Variants in EPS8 observed in about 807,000 individuals in gnomAD.
EPS8 encodes epidermal growth factor receptor kinase substrate 8.
EPS8 carries 42 observed loss-of-function variants against 103.8 expected under a neutral mutation model. The ratio of observed to expected loss-of-function variants is 0.40; its 90% CI spans 0.32 to 0.52. EPS8 has a LOEUF of 0.52. EPS8 is among the 20% of genes least tolerant of loss of function. EPS8 has a pLI of 0.40. For synonymous variants in EPS8, 344 were observed against 344.6 expected, an observed-to-expected ratio of 1.00 and a Z score of 0.02; for missense variants, 969 against 1,005.1, an observed-to-expected ratio of 0.96 and a Z score of 0.49.
At chr12:15,639,217 T>C (rs1288830566) in intron 17 of EPS8, among the ~76,000 whole-genome samples, 1 of 152,196 alleles carries the variant, frequency 6.6e-6, no homozygotes, top group Non-Finnish European at 1.5e-5. Flanking sequence ...AGGTATGTAC[T>C]CTACCATTAT....
At chr12:15,663,327 G>C (rs919544223) in intron 8 of EPS8, among the ~76,000 whole-genome samples, 18 of 152,122 alleles carry the variant, frequency 1.2e-4, no homozygotes, top group African/African-American at 3.9e-4. Context: ...ATTCCACAGA[G>C]ATCACCTTTG....
At chr12:15,708,978 G>C (rs1349015583) in intron 1 of EPS8, among the ~76,000 whole-genome samples, 1 of 152,158 alleles carries the variant, frequency 6.6e-6, no homozygotes, top group Non-Finnish European at 1.5e-5. Flanking sequence ...TTCCCTGCTG[G>C]GGACAGCCTG....
chr12:15,699,633 T>A (rs1265546362), intron 1 of EPS8, among the ~76,000 whole-genome samples: 1 of 152,196 alleles, frequency 6.6e-6, no homozygotes, highest in Non-Finnish European at 1.5e-5. Flanking sequence ...CACATACAAC[T>A]TTAGTGTACC....
chr12:15,658,223 G>T, intron 11 of EPS8, 70 bp from the exon 12 acceptor site: 1 of 997,896 alleles, frequency 1.0e-6, no homozygotes, highest in South Asian at 1.3e-5. Flanking sequence ...GTCCAACATA[G>T]ACACAGAGGG....
rs1203199123 is a variant in EPS8 at position 15,624,207 on chromosome 12, G to A, written c.2225+20C>T. 1 of 1,603,038 alleles carries A rather than the reference G, an allele frequency of 6.2e-7. No individual in the cohort carries two copies. Among genetic ancestry groups the A allele is most frequent in the African/African-American group, 1.3e-5 (1 of 74,640 alleles). ...CATGTTGTACACACAGAATTGCAAAGTATTCACAGAGAGACTCACACAGGG... is the reference window on the plus strand; with the variant it reads ...CATGTTGTACACACAGAATTGCAAAATATTCACAGAGAGACTCACACAGGG... On this transcript the variant is annotated intron_variant, in intron 19 of 20. Transcript: ENST00000281172.
chr12:15,664,143 A>G (rs1027174123), intron 8 of EPS8, among the ~76,000 whole-genome samples: 16 of 151,152 alleles, frequency 1.1e-4, no homozygotes, highest in African/African-American at 4.8e-5. Flanking sequence ...CAAAAACACC[A>G]TAAGTACACA....
In EPS8 at chr12:15,706,691, C is replaced by A. The variant is rs933270026; in HGVS notation, c.-21-23719G>T. Reference sequence around the variant, plus strand: ...TCATCTTTCTTTTAGGTGAATATTACATTTTTAATATGAGACTAGAATTTT... The same window carrying A: ...TCATCTTTCTTTTAGGTGAATATTAAATTTTTAATATGAGACTAGAATTTT... On this transcript the variant is annotated intron_variant, in intron 1 of 20. Coordinates refer to ENST00000281172, the MANE Select transcript of EPS8 (RefSeq NM_004447.6). This position sits in a 1 kb window ranked among gnomAD's most constrained non-coding sequence, Gnocchi z 5.2. 6.6e-6 allele frequency among the ~76,000 whole-genome samples: 1 copy of A among 152,110 alleles called. No homozygotes were observed. The highest frequency in any genetic ancestry group is 1.9e-4 in the East Asian group (1 of 5,194).
At chr12:15,768,981 A>T (rs1308956480) in intron 1 of EPS8, among the ~76,000 whole-genome samples, 4 of 152,216 alleles carry the variant, frequency 2.6e-5, no homozygotes, top group African/African-American at 9.6e-5. Flanking sequence ...TAAAAAATAA[A>T]AATTAGGCAC....
intron 6 of EPS8, 71 bp downstream of exon 6, chr12:15,669,316 C>T: frequency 2.8e-6 from 4 of 1,408,882 alleles, no homozygotes; most frequent in Non-Finnish European, 3.9e-6. Flanking sequence ...GATATATTAT[C>T]AAAATAGGTA....
intron 17 of EPS8, among the ~76,000 whole-genome samples, chr12:15,636,279 T>C (rs1821356092): frequency 2.0e-5 from 3 of 152,188 alleles, no homozygotes; most frequent in African/African-American, 7.2e-5. Context: ...ACATGTTATC[T>C]CTCCATAATC....
At position 15,779,885 on chromosome 12, in the gene EPS8, T is replaced by C. The variant is rs189681247; in HGVS notation, c.-22+9276A>G. On this transcript the variant is annotated intron_variant, in intron 1 of 20. Transcript: ENST00000281172. The surrounding 1 kb of genome is among the most constrained non-coding windows in gnomAD (Gnocchi z 4.3). ...CAGGTTCTGTTCAGAAACTATGGCT[T>C]AGAATTTTAGACAGGCTTAAACAGG... is the stretch of plus-strand genomic sequence containing the variant. Among the ~76,000 whole-genome samples the C allele has an allele frequency of 1.0e-3, 152 of 152,332 alleles. No individual in the cohort carries two copies. The highest frequency in any genetic ancestry group is 3.5e-3 in the African/African-American group (146 of 41,584).
At chr12:15,687,767 T>C (rs1420177017) in intron 1 of EPS8, among the ~76,000 whole-genome samples, 1 of 152,220 alleles carries the variant, frequency 6.6e-6, no homozygotes, top group East Asian at 1.9e-4. Context: ...TGAGTTGCTA[T>C]GATGACATCA....
chr12:15,692,122 TC>T (rs768746386), intron 1 of EPS8, among the ~76,000 whole-genome samples: 8 of 152,164 alleles, frequency 5.3e-5, no homozygotes, highest in Non-Finnish European at 1.2e-4. Context: ...GAGCCTTACT[TC>T]CTGGATCCTG....
At chr12:15,755,803 C>T (rs921828949) in intron 1 of EPS8, among the ~76,000 whole-genome samples, 8 of 152,164 alleles carry the variant, frequency 5.3e-5, no homozygotes, top group South Asian at 4.1e-4. Flanking sequence ...CCTACATTAA[C>T]TCTTTACTCT....
At chr12:15,644,044 C>A (rs1163108440) in intron 15 of EPS8, among the ~76,000 whole-genome samples, 1 of 152,136 alleles carries the variant, frequency 6.6e-6, no homozygotes, top group African/African-American at 2.4e-5. Flanking sequence ...TTCTGAGAAA[C>A]CCTCTATACT....
chr12:15,700,737 C>T lies in EPS8; in HGVS notation c.-21-17765G>A, dbSNP rs568775580. On this transcript the variant is annotated intron_variant, in intron 1 of 20. Transcript: ENST00000281172. This position sits in a 1 kb window ranked among gnomAD's most constrained non-coding sequence, Gnocchi z 5.1. ...CTATTTATATCAAGGAGGTTCAAAA[C>T]TGACTCAGAGGAAAAAGTACTATGC... Among the ~76,000 whole-genome samples, 1 of 152,270 alleles carries T rather than the reference C, an allele frequency of 6.6e-6. No homozygotes were observed. The highest frequency in any genetic ancestry group is 2.1e-4 in the South Asian group (1 of 4,818).
At chr12:15,768,098 C>T (rs541244504) in intron 1 of EPS8, among the ~76,000 whole-genome samples, 7 of 152,004 alleles carry the variant, frequency 4.6e-5, no homozygotes, top group African/African-American at 1.7e-4. Flanking sequence ...ACTGTTCTGG[C>T]TTATACAGTT....
intron 1 of EPS8, among the ~76,000 whole-genome samples, chr12:15,726,687 A>G (rs1348363960): frequency 6.6e-6 from 1 of 152,210 alleles, no homozygotes. Flanking sequence ...TTTTGAAATG[A>G]CAATCTGTAG....
rs183639583 is a variant in EPS8 at position 15,642,757 on chromosome 12, C to T, written c.1569-927G>A. ...AGGTCATCCTACCCCTGTAAAGTTG[C>T]CATTCTTTTTGCTGTCTACCAAGTT... is the stretch of plus-strand genomic sequence containing the variant. On this transcript the variant is annotated intron_variant, in intron 15 of 20. Coordinates refer to ENST00000281172, the MANE Select transcript of EPS8 (RefSeq NM_004447.6). 4.9e-3 allele frequency among the ~76,000 whole-genome samples: 752 copies of T among 152,254 alleles called. 5 individuals carry two copies. Among genetic ancestry groups the T allele is most frequent in the Non-Finnish European group, 7.5e-3 (510 of 68,002 alleles).
Sources: allele counts gnomAD v4.1 joint callset (sites outside exome capture counted in the v4.1 genomes callset), GRCh38; gene constraint gnomAD v4.1.1; non-coding constraint Gnocchi (gnomAD v3.1); transcripts MANE v1.5; gene names NCBI Gene and HGNC (gene_info 2026-07-23, HGNC 2026-07-21).